TFDP2: variants seen among roughly 807,000 people sequenced by gnomAD.
TFDP2 encodes the protein transcription factor Dp-2.
A neutral mutation model predicts 59.3 loss-of-function variants in TFDP2; 17 were observed. That is an observed-to-expected ratio of 0.29 (90% confidence interval 0.20 to 0.43). TFDP2 has a LOEUF of 0.43. Ranked by LOEUF, TFDP2 falls within the 20% of genes least tolerant of loss-of-function variation. TFDP2 has a pLI of 1.00. For missense variants in TFDP2, 391 were observed against 528.8 expected (o/e 0.74, Z 2.56); for synonymous variants, 180 against 194.7 (o/e 0.92, Z 0.63).
intron 3 of TFDP2, among the ~76,000 whole-genome samples, chr3:142,031,700 C>T (rs1946439695): frequency 6.6e-6 from 1 of 152,188 alleles, no homozygotes; most frequent in African/African-American, 2.4e-5. Flanking sequence ...GGTAGCTGGA[C>T]ATTCTCCTAG....
intron 3 of TFDP2, among the ~76,000 whole-genome samples, chr3:142,031,032 G>T (rs550231056): frequency 6.6e-6 from 1 of 152,128 alleles, no homozygotes; most frequent in Admixed American, 6.5e-5. Flanking sequence ...GTGAGCCACC[G>T]CGCCCGGCGT....
intron 3 of TFDP2, among the ~76,000 whole-genome samples, chr3:142,033,130 G>GT (rs1185336258): frequency 6.6e-6 from 1 of 152,136 alleles, no homozygotes; most frequent in Non-Finnish European, 1.5e-5. Flanking sequence ...AGGAGGCAGA[G>GT]GTTGCAGTGA....
At chr3:141,963,789 C>A (rs1303900006) in intron 10 of TFDP2, 23 bp downstream of exon 10, 1 of 1,605,414 alleles carries the variant, frequency 6.2e-7, no homozygotes, top group Non-Finnish European at 8.5e-7. Flanking sequence ...CAGCCCTGCA[C>A]CCATCCCTAG....
intron 1 of TFDP2, 42 bp downstream of exon 1, chr3:142,149,141 G>C (rs2063294334): frequency 5.0e-6 from 2 of 397,774 alleles, no homozygotes; most frequent in South Asian, 2.6e-4. Context: ...CGGGTCCAAA[G>C]GCCCTCCGCG....
chr3:142,063,985 A>C (rs921462149), intron 3 of TFDP2, among the ~76,000 whole-genome samples: 1 of 151,952 alleles, frequency 6.6e-6, no homozygotes, highest in Non-Finnish European at 1.5e-5. Context: ...ACAGAGTCTT[A>C]CTCTGTCGCC....
At chr3:142,125,616 T>TAA (rs985924181) in intron 1 of TFDP2, among the ~76,000 whole-genome samples, 1 of 151,734 alleles carries the variant, frequency 6.6e-6, no homozygotes, top group African/African-American at 2.4e-5. Flanking sequence ...CATCATGGCC[T>TAA]AAAAAAAATG....
chr3:142,013,933 T>C (rs1238051575), intron 3 of TFDP2, among the ~76,000 whole-genome samples: 2 of 152,002 alleles, frequency 1.3e-5, no homozygotes, highest in Non-Finnish European at 2.9e-5. Flanking sequence ...TGAAAAAAAT[T>C]TTTTTTTGCT....
At chr3:142,126,891 A>G (rs2062276652) in intron 1 of TFDP2, among the ~76,000 whole-genome samples, 1 of 149,978 alleles carries the variant, frequency 6.7e-6, no homozygotes. Flanking sequence ...GGTTGCAGTG[A>G]GCCAAGGTCT....
At chr3:142,080,662 G>T (rs2060607971) in intron 3 of TFDP2, among the ~76,000 whole-genome samples, 1 of 152,104 alleles carries the variant, frequency 6.6e-6, no homozygotes, top group Non-Finnish European at 1.5e-5. Context: ...GATATTCCAT[G>T]ACAATGGAAA....
chr3:142,033,345 T>A (rs1946527536), intron 3 of TFDP2, among the ~76,000 whole-genome samples: 1 of 152,206 alleles, frequency 6.6e-6, no homozygotes, highest in South Asian at 2.1e-4. Flanking sequence ...TGAAGAAAGT[T>A]CTATTAAACA....
chr3:142,115,475 C>T (rs867621745), intron 1 of TFDP2, among the ~76,000 whole-genome samples: 2 of 152,238 alleles, frequency 1.3e-5, no homozygotes, highest in Admixed American at 1.3e-4. Flanking sequence ...CCCACGACTG[C>T]ACCTGGCTAA....
intron 1 of TFDP2, among the ~76,000 whole-genome samples, chr3:142,118,053 G>A (rs1268282252): frequency 7.9e-5 from 12 of 152,200 alleles, no homozygotes; most frequent in Non-Finnish European, 1.3e-4. Flanking sequence ...AGGTGAGATC[G>A]CACCACTGCA....
At chr3:142,062,415 G>A (rs1409551215) in intron 3 of TFDP2, among the ~76,000 whole-genome samples, 81 of 149,348 alleles carry the variant, frequency 5.4e-4, no homozygotes, top group African/African-American at 1.9e-3. Flanking sequence ...GTGTGTGTGT[G>A]TGTGTGTGTG....
intron 1 of TFDP2, among the ~76,000 whole-genome samples, chr3:142,105,294 C>T (rs1350230508): frequency 2.0e-5 from 3 of 152,136 alleles, no homozygotes; most frequent in Admixed American, 6.6e-5. Flanking sequence ...TCCTCTTCTT[C>T]CTTACAAGCT....
chr3:142,050,160 G>C (rs887388324), intron 3 of TFDP2, among the ~76,000 whole-genome samples: 1 of 151,588 alleles, frequency 6.6e-6, no homozygotes, highest in African/African-American at 2.4e-5. Context: ...CCAGCTACTC[G>C]GGAGGCTGAG....
chr3:142,115,322 T>C (rs1194271960), intron 1 of TFDP2, among the ~76,000 whole-genome samples: 3 of 150,464 alleles, frequency 2.0e-5, no homozygotes, highest in Middle Eastern at 7.0e-3. Flanking sequence ...TTTCTTTTTT[T>C]TTTTTTTTTT....
intron 12 of TFDP2, 100 bp from the exon 13 acceptor site, chr3:141,952,796 T>G (rs1260230746): frequency 6.4e-7 from 1 of 1,567,026 alleles, no homozygotes; most frequent in African/African-American, 1.4e-5. Flanking sequence ...TGGTGAGATC[T>G]GCCACAAACC....
intron 1 of TFDP2, among the ~76,000 whole-genome samples, chr3:142,139,985 C>T (rs185198530): frequency 1.1e-4 from 17 of 152,298 alleles, no homozygotes; most frequent in African/African-American, 2.9e-4. Flanking sequence ...CCATTGTCCC[C>T]GTCACTTTCA....
At chr3:142,023,838 C>G (rs1160780041) in intron 3 of TFDP2, among the ~76,000 whole-genome samples, 1 of 151,904 alleles carries the variant, frequency 6.6e-6, no homozygotes, top group Non-Finnish European at 1.5e-5. Context: ...GGGTCTTGCT[C>G]TGTTGCCTAG....
Sources: gnomAD v4.1 joint callset for allele counts (sites outside exome capture counted in the v4.1 genomes callset) on GRCh38, gnomAD v4.1.1 for gene constraint, MANE v1.5 for transcripts, NCBI Gene and HGNC (gene_info 2026-07-23, HGNC 2026-07-21) for gene names.